The following TMEM178A variants were observed in gnomAD, a reference collection of about 807,000 sequenced individuals.
TMEM178A encodes the protein transmembrane protein 178.
TMEM178A carries 12 observed loss-of-function variants against 29.1 expected under a neutral mutation model. The ratio of observed to expected loss-of-function variants is 0.41; its 90% CI spans 0.26 to 0.67. TMEM178A has a LOEUF of 0.67. Among genes scored for constraint, TMEM178A ranks in the 30% least tolerant of loss-of-function variants. TMEM178A has a pLI of 0.29. For synonymous variants in TMEM178A, 210 were observed against 187.2 expected (o/e 1.12, Z -0.99); for missense variants, 366 against 419.1 (o/e 0.87, Z 1.11).
intron 1 of TMEM178A, 86 bp from the exon 2 acceptor site, chr2:39,703,995 G>A (rs1233331489): frequency 2.9e-6 from 3 of 1,051,966 alleles, no homozygotes; most frequent in Non-Finnish European, 4.3e-6. Flanking sequence ...ATTCAACCCA[G>A]GTTAGGTTAC....
At chr2:39,679,513 G>A (rs1031622438) in intron 1 of TMEM178A, among the ~76,000 whole-genome samples, 4 of 151,912 alleles carry the variant, frequency 2.6e-5, no homozygotes, top group African/African-American at 9.7e-5. Flanking sequence ...TCTTTATGGA[G>A]ATTTTCCTCA....
At chr2:39,666,526 C>T (rs937993647) in intron 1 of TMEM178A, 152 bp downstream of exon 1, 1 of 465,400 alleles carries the variant, frequency 2.1e-6, no homozygotes, top group Non-Finnish European at 3.1e-6. Flanking sequence ...CAGTCTTTAT[C>T]TCTTCCCTTT....
chr2:39,677,129 A>G (rs749282941), intron 1 of TMEM178A, among the ~76,000 whole-genome samples: 2 of 152,154 alleles, frequency 1.3e-5, no homozygotes, highest in African/African-American at 2.4e-5. Flanking sequence ...AGTGCTTCCT[A>G]TGTACAGCCT....
chr2:39,693,334 T>C (rs759880495), intron 1 of TMEM178A, among the ~76,000 whole-genome samples: 12 of 152,224 alleles, frequency 7.9e-5, no homozygotes, highest in Non-Finnish European at 1.5e-4. Context: ...AGGTATGTTG[T>C]GACTAGAGCA....
intron 1 of TMEM178A, among the ~76,000 whole-genome samples, chr2:39,669,554 A>G (rs1670323314): frequency 6.6e-6 from 1 of 152,230 alleles, no homozygotes. Flanking sequence ...TTATGATACA[A>G]GTTCACTTCT....
chr2:39,706,075 A>G (rs1672018370), intron 2 of TMEM178A, among the ~76,000 whole-genome samples: 1 of 152,238 alleles, frequency 6.6e-6, no homozygotes, highest in African/African-American at 2.4e-5. Flanking sequence ...AGAAAAAGTA[A>G]AATAGCTGGA....
intron 1 of TMEM178A, among the ~76,000 whole-genome samples, chr2:39,671,268 C>T (rs1016758262): frequency 6.6e-6 from 1 of 152,304 alleles, no homozygotes; most frequent in African/African-American, 2.4e-5. Context: ...TTGCTTATTT[C>T]CCATGAAATT....
chr2:39,730,338 A>G, the TMEM178A span, among the ~76,000 whole-genome samples: 3 of 152,180 alleles, frequency 2.0e-5, no homozygotes, highest in African/African-American at 7.2e-5. Flanking sequence ...GGGGCTGACT[A>G]CATTCAAGCT....
chr2:39,724,692 C>A, the TMEM178A span, among the ~76,000 whole-genome samples: 1 of 152,130 alleles, frequency 6.6e-6, no homozygotes, highest in East Asian at 1.9e-4. Context: ...AACCTCAAGA[C>A]AGCCTCGGAG....
At chr2:39,668,843 T>C (rs1188360027) in intron 1 of TMEM178A, among the ~76,000 whole-genome samples, 6 of 152,188 alleles carry the variant, frequency 3.9e-5, no homozygotes, top group Non-Finnish European at 5.9e-5. Context: ...ATTCTGAGTC[T>C]ATGAATAATT....
the TMEM178A span, among the ~76,000 whole-genome samples, chr2:39,727,590 A>C: frequency 1.8e-4 from 27 of 152,246 alleles, no homozygotes; most frequent in African/African-American, 6.3e-4. Flanking sequence ...ATTATACTTT[A>C]AGTTCTAGGG....
At chr2:39,716,410 G>T (rs2148120663) in intron 3 of TMEM178A, among the ~76,000 whole-genome samples, 1 of 152,332 alleles carries the variant, frequency 6.6e-6, no homozygotes, top group East Asian at 1.9e-4. Context: ...TTGAATGGTT[G>T]AAATGGATGA....
chr2:39,731,047 G>C, the TMEM178A span, among the ~76,000 whole-genome samples: 1 of 152,210 alleles, frequency 6.6e-6, no homozygotes, highest in Non-Finnish European at 1.5e-5. Flanking sequence ...GAAATCCCAT[G>C]AGCCTCAGTC....
chr2:39,703,138 G>T (rs945672985), intron 1 of TMEM178A, among the ~76,000 whole-genome samples: 2 of 151,928 alleles, frequency 1.3e-5, no homozygotes, highest in Non-Finnish European at 2.9e-5. Context: ...TTTTTTAAAT[G>T]GCTGGCAGTG....
intron 1 of TMEM178A, among the ~76,000 whole-genome samples, chr2:39,680,180 A>G (rs1005009940): frequency 2.0e-5 from 3 of 152,314 alleles, no homozygotes; most frequent in African/African-American, 7.2e-5. Flanking sequence ...ATATGTAAAT[A>G]TGGAGGTTGG....
the TMEM178A span, among the ~76,000 whole-genome samples, chr2:39,724,166 C>T: frequency 5.3e-5 from 8 of 152,052 alleles, no homozygotes; most frequent in African/African-American, 9.7e-5. Flanking sequence ...GAGAAATTCC[C>T]GTGTTACTAG....
intron 1 of TMEM178A, among the ~76,000 whole-genome samples, chr2:39,685,785 T>C (rs992125820): frequency 6.6e-6 from 1 of 152,218 alleles, no homozygotes; most frequent in Non-Finnish European, 1.5e-5. Context: ...GAAAGCTACC[T>C]AATGGGTAGT....
At chr2:39,729,311 C>A in the TMEM178A span, among the ~76,000 whole-genome samples, 5 of 152,286 alleles carry the variant, frequency 3.3e-5, no homozygotes, top group Admixed American at 3.3e-4. Flanking sequence ...GCCTCTCCCC[C>A]AGAAAGTGGA....
At chr2:39,685,529 A>T (rs1671041124) in intron 1 of TMEM178A, among the ~76,000 whole-genome samples, 1 of 152,102 alleles carries the variant, frequency 6.6e-6, no homozygotes, top group Admixed American at 6.5e-5. Context: ...CATTCATTTT[A>T]TAGGTAGGAT....
Sources: gnomAD v4.1 joint callset for allele counts (sites outside exome capture counted in the v4.1 genomes callset) on GRCh38, gnomAD v4.1.1 for gene constraint, MANE v1.5 for transcripts, NCBI Gene and HGNC (gene_info 2026-07-23, HGNC 2026-07-21) for gene names.